UBE4B: variants seen among roughly 807,000 people sequenced by gnomAD.
The protein encoded by UBE4B is ubiquitin conjugation factor E4 B.
A neutral mutation model predicts 148.1 loss-of-function variants in UBE4B; 27 were observed. The observed-to-expected ratio is 0.18, with a 90% CI of 0.13 to 0.25. The LOEUF (loss-of-function observed/expected upper bound fraction) is 0.25, where lower values mean the gene tolerates loss of function less well. UBE4B is among the 10% of genes least tolerant of loss of function. The pLI is 1.00. For synonymous variants in UBE4B, 596 were observed against 619.3 expected (o/e 0.96, Z 0.56); for missense variants, 1,170 against 1,662.4 (o/e 0.70, Z 5.15).
chr1:10,081,874 C>T (rs1323186530), intron 2 of UBE4B, among the ~76,000 whole-genome samples: 2 of 152,142 alleles, frequency 1.3e-5, no homozygotes, highest in African/African-American at 4.8e-5. Flanking sequence ...CCACCATGCC[C>T]ATCCTAATTT....
chr1:10,130,642 T>C, intron 13 of UBE4B, 26 bp downstream of exon 13: 1 of 1,612,532 alleles, frequency 6.2e-7, no homozygotes, highest in Non-Finnish European at 8.5e-7. Flanking sequence ...ACTTGTACTT[T>C]GCTGCCCTTT....
chr1:10,104,005 C>T (rs1006624899), intron 5 of UBE4B, among the ~76,000 whole-genome samples: 1 of 152,024 alleles, frequency 6.6e-6, no homozygotes, highest in African/African-American at 2.4e-5. Flanking sequence ...CGTGATCTGC[C>T]TGCCTCGGCC....
intron 7 of UBE4B, among the ~76,000 whole-genome samples, chr1:10,109,015 A>C (rs1645169202): frequency 6.6e-6 from 1 of 152,122 alleles, no homozygotes; most frequent in Non-Finnish European, 1.5e-5. Context: ...CTCTTTCTGG[A>C]CTTCTAACAC....
chr1:10,099,883 A>G (rs796674240), intron 3 of UBE4B, among the ~76,000 whole-genome samples: 7 of 152,338 alleles, frequency 4.6e-5, no homozygotes, highest in African/African-American at 1.7e-4. Flanking sequence ...TTTCCAGTAA[A>G]TGGTGCTAGG....
At chr1:10,070,835 C>T (rs1644471627) in intron 1 of UBE4B, among the ~76,000 whole-genome samples, 1 of 152,112 alleles carries the variant, frequency 6.6e-6, no homozygotes, top group South Asian at 2.1e-4. Flanking sequence ...TCATTTTGCT[C>T]CTACAAGTGA....
chr1:10,108,708 A>G (rs1196290407), intron 7 of UBE4B, among the ~76,000 whole-genome samples: 1 of 152,232 alleles, frequency 6.6e-6, no homozygotes, highest in Non-Finnish European at 1.5e-5. Context: ...TGTTGATGCA[A>G]GGTTGAATAT....
chr1:10,059,946 A>G (rs1459907680), intron 1 of UBE4B, among the ~76,000 whole-genome samples: 1 of 151,896 alleles, frequency 6.6e-6, no homozygotes, highest in East Asian at 1.9e-4. Context: ...TGCTTTGTTT[A>G]CTTGTTTACT....
At chr1:10,068,755 A>G (rs1644433371) in intron 1 of UBE4B, among the ~76,000 whole-genome samples, 1 of 152,210 alleles carries the variant, frequency 6.6e-6, no homozygotes, top group Admixed American at 6.5e-5. Flanking sequence ...TGAGTCCCCT[A>G]TCCAGATATT....
At chr1:10,139,943 G>T (rs1645759851) in intron 17 of UBE4B, among the ~76,000 whole-genome samples, 1 of 152,148 alleles carries the variant, frequency 6.6e-6, no homozygotes, top group Admixed American at 6.6e-5. Context: ...GGTCAGGCTG[G>T]TCTCGAACTC....
Position 10,168,420 on chromosome 1 carries a change from T to C in UBE4B, c.3333+150T>C, listed in dbSNP as rs1048606128. 1.6e-6 allele frequency: 2 copies of C among 1,267,526 alleles called. No individual in the cohort carries two copies. The highest frequency in any genetic ancestry group is 5.0e-5 in the Admixed American group (2 of 40,096). The allele number at this position is 1,267,526 out of a possible 1,614,324, so 78.5% of individuals were successfully genotyped here. On this transcript the variant is annotated intron_variant, in intron 24 of 27. Transcript: ENST00000343090. This position sits in a 1 kb window ranked among gnomAD's most constrained non-coding sequence, Gnocchi z 4.9. ...CTGTGACTGATTTTGTTCCCAGTTA[T>C]GCTAATTGATACCAGACTCTGTTGA...
intron 1 of UBE4B, among the ~76,000 whole-genome samples, chr1:10,066,025 C>T (rs1328834096): frequency 7.0e-6 from 1 of 142,270 alleles, no homozygotes; most frequent in Non-Finnish European, 1.5e-5. Context: ...CATTGTTCCC[C>T]TCCCTCCCTC....
chr1:10,107,151 G>A (rs1244942183), intron 7 of UBE4B: 2 of 1,274,842 alleles, frequency 1.6e-6, no homozygotes, highest in Non-Finnish European at 2.0e-6. Context: ...AAGGACAGCA[G>A]TTGCAAAAGC....
At chr1:10,154,965 T>C (rs1646043456) in intron 21 of UBE4B, among the ~76,000 whole-genome samples, 1 of 152,226 alleles carries the variant, frequency 6.6e-6, no homozygotes, top group Non-Finnish European at 1.5e-5. Flanking sequence ...AACTTCTTAA[T>C]TTTTCTACAG....
At chr1:10,175,086 A>T (rs1270750937) in intron 25 of UBE4B, among the ~76,000 whole-genome samples, 1 of 152,196 alleles carries the variant, frequency 6.6e-6, no homozygotes, top group Non-Finnish European at 1.5e-5. Flanking sequence ...ACCCATGTCC[A>T]GAAGGCTGAC....
At position 10,106,159 on chromosome 1, in the gene UBE4B, A is replaced by G. The variant is rs1252684390; in HGVS notation, c.810-38A>G. On this transcript the variant is annotated intron_variant, in intron 6 of 27. Coordinates refer to ENST00000343090, the MANE Select transcript of UBE4B (RefSeq NM_001105562.3). The surrounding 1 kb of genome is among the most constrained non-coding windows in gnomAD (Gnocchi z 4.2). ...GTTAGTTATCTCAAGTTTTTCTTTG[A>G]TTTTTCTCTTCTTTCCTCCCTTTCT... 12 of 1,522,290 alleles carry G rather than the reference A, an allele frequency of 7.9e-6. No homozygotes were observed. Among genetic ancestry groups the G allele is most frequent in the South Asian group, 1.3e-5 (1 of 77,252 alleles). The allele number at this position is 1,522,290 out of a possible 1,614,324, so 94.3% of individuals were successfully genotyped here.
At chr1:10,041,011 C>A (rs1643742301) in intron 1 of UBE4B, among the ~76,000 whole-genome samples, 1 of 152,162 alleles carries the variant, frequency 6.6e-6, no homozygotes, top group African/African-American at 2.4e-5. Flanking sequence ...TGCTACCATT[C>A]ACTTTATAAC....
At chr1:10,121,909 G>A (rs759655728) in intron 9 of UBE4B, 53 bp from the exon 10 acceptor site, 2 of 1,178,908 alleles carry the variant, frequency 1.7e-6, no homozygotes, top group Admixed American at 4.3e-5. Flanking sequence ...CATTTCACGT[G>A]CCTCTGTAGT....
At chr1:10,038,725 A>G (rs527841274) in intron 1 of UBE4B, among the ~76,000 whole-genome samples, 1 of 152,190 alleles carries the variant, frequency 6.6e-6, no homozygotes, top group Admixed American at 6.5e-5. Flanking sequence ...GCATGAATGC[A>G]TTCATGATGT....
intron 2 of UBE4B, among the ~76,000 whole-genome samples, chr1:10,080,997 G>C (rs990921436): frequency 3.9e-5 from 6 of 152,140 alleles, no homozygotes; most frequent in African/African-American, 9.7e-5. Context: ...TATTGTACAG[G>C]ATGTTGACTG....
Sources: allele counts gnomAD v4.1 joint callset (sites outside exome capture counted in the v4.1 genomes callset), GRCh38; gene constraint gnomAD v4.1.1; non-coding constraint Gnocchi (gnomAD v3.1); transcripts MANE v1.5; gene names NCBI Gene and HGNC (gene_info 2026-07-23, HGNC 2026-07-21).